The following CCDC42 variants were observed in gnomAD, a reference collection of about 807,000 sequenced individuals.
CCDC42 encodes the protein coiled-coil domain-containing protein 42.
In CCDC42, 38 loss-of-function variants were observed where a neutral mutation model predicts 40.8. The ratio of observed to expected loss-of-function variants is 0.93; its 90% CI spans 0.72 to 1.22. The LOEUF is 1.22. Among genes scored for constraint, CCDC42 ranks in the 50% most tolerant of loss-of-function variants. The pLI is 0.00. For synonymous variants in CCDC42, 135 were observed against 157.5 expected, an observed-to-expected ratio of 0.86 and a Z score of 1.07; for missense variants, 379 against 416.5, an observed-to-expected ratio of 0.91 and a Z score of 0.78.
rs895468821 is a variant in CCDC42 at position 8,735,092 on chromosome 17, C to T, written c.873+4G>A. 6.2e-6 allele frequency: 10 copies of T among 1,614,012 alleles called. No individual in the cohort carries two copies. The highest frequency in any genetic ancestry group is 4.0e-5 in the African/African-American group (3 of 74,932). ...CGGGCCCAGTGCCTGTCCCCTCCTC[C>T]TACCATGTCCAGCTGCTTGTGGGTG... is the stretch of plus-strand genomic sequence containing the variant. On this transcript the variant is annotated splice_donor_region_variant and intron_variant, in intron 6 of 6. Coordinates refer to ENST00000293845, the MANE Select transcript of CCDC42 (RefSeq NM_144681.3). The surrounding 1 kb of genome is among the most constrained non-coding windows in gnomAD (Gnocchi z 4.7).
At chr17:8,744,313 C>T in intron 1 of CCDC42, 129 bp from the exon 2 acceptor site, 1 of 767,598 alleles carries the variant, frequency 1.3e-6, no homozygotes, top group Non-Finnish European at 2.2e-6. Flanking sequence ...AGGGAAAGGG[C>T]TGTTGTGTTG....
At chr17:8,738,070 C>T (rs2086622227) in intron 4 of CCDC42, among the ~76,000 whole-genome samples, 1 of 152,156 alleles carries the variant, frequency 6.6e-6, no homozygotes, top group Admixed American at 6.5e-5. Context: ...AAGTGATCCT[C>T]CCACCTCAGC....
chr17:8,737,882 C>T (rs1383881520), intron 4 of CCDC42, among the ~76,000 whole-genome samples: 1 of 152,228 alleles, frequency 6.6e-6, no homozygotes, highest in Non-Finnish European at 1.5e-5. Context: ...GTGGCATAAA[C>T]ACAGCTCACT....
At chr17:8,738,016 G>GT (rs1422494686) in intron 4 of CCDC42, among the ~76,000 whole-genome samples, 1 of 151,394 alleles carries the variant, frequency 6.6e-6, no homozygotes, top group Non-Finnish European at 1.5e-5. Context: ...GATTTGGGGG[G>GT]GGTCTCACTT....
chr17:8,737,037 G>A (rs57841505), intron 4 of CCDC42, among the ~76,000 whole-genome samples: 1 of 140,966 alleles, frequency 7.1e-6, no homozygotes, highest in African/African-American at 2.6e-5. Flanking sequence ...AAGAGGGAGG[G>A]AGGAAGGAAG....
intron 4 of CCDC42, among the ~76,000 whole-genome samples, chr17:8,737,082 AAAAG>A (rs1053676255): frequency 6.6e-6 from 1 of 152,240 alleles, no homozygotes; most frequent in East Asian, 1.9e-4. Context: ...GAAAGAAAGA[AAAAG>A]AAAAAAAGAA....
In CCDC42 at chr17:8,744,696, C is replaced by A; in HGVS notation, c.-87G>T. ...GCCACAGGTGGCTCAGGGGTGGTGG[C>A]TGCACTCTTGTTTCTCCCTTCGGCC... On this transcript the variant is annotated 5_prime_UTR_variant, in exon 1 of 7. Coordinates refer to ENST00000293845, the MANE Select transcript of CCDC42 (RefSeq NM_144681.3). The A allele has an allele frequency of 1.1e-6, 1 of 903,734 alleles. No homozygotes were observed. Among genetic ancestry groups the A allele is most frequent in the Non-Finnish European group, 1.8e-6 (1 of 551,140 alleles). 56.0% of individuals were successfully genotyped at this position (903,734 alleles called of 1,614,324 possible).
At chr17:8,742,506 C>G (rs1468840412) in intron 3 of CCDC42, among the ~76,000 whole-genome samples, 1 of 152,250 alleles carries the variant, frequency 6.6e-6, no homozygotes, top group Non-Finnish European at 1.5e-5. Context: ...GCAGAGCCCT[C>G]CCCTAAGATT....
In CCDC42 at chr17:8,739,834, T is replaced by C. The variant is rs1281116018; in HGVS notation, c.492+1640A>G. Reference sequence around the variant, plus strand: ...CTGGGATTACAGGCGTGAGCCACCGTACCTGGCCACATCTTGTAATTCATC... The same window carrying C: ...CTGGGATTACAGGCGTGAGCCACCGCACCTGGCCACATCTTGTAATTCATC... On this transcript the variant is annotated intron_variant, in intron 4 of 6. Coordinates refer to ENST00000293845, the MANE Select transcript of CCDC42 (RefSeq NM_144681.3). Among the ~76,000 whole-genome samples the C allele has an allele frequency of 2.0e-5, 3 of 152,192 alleles. No individual in the cohort carries two copies. In the East Asian group the frequency reaches 5.8e-4, roughly 29 times the overall value.
intron 3 of CCDC42, among the ~76,000 whole-genome samples, chr17:8,741,959 G>A (rs527730739): frequency 5.0e-3 from 758 of 152,254 alleles, no homozygotes; most frequent in Non-Finnish European, 7.6e-3. Context: ...GGGGCTGGAG[G>A]GGCAGACAGG....
chr17:8,734,791 A>G (rs566846675), intron 6 of CCDC42, among the ~76,000 whole-genome samples: 14 of 152,278 alleles, frequency 9.2e-5, no homozygotes, highest in Admixed American at 4.6e-4. Context: ...TGCTCTGTAG[A>G]CTGGGGCTAA....
intron 3 of CCDC42, among the ~76,000 whole-genome samples, chr17:8,741,987 G>T (rs549953759): frequency 6.6e-6 from 1 of 152,208 alleles, no homozygotes; most frequent in Admixed American, 6.5e-5. Flanking sequence ...TCTTTCCTGT[G>T]GGACTTGGGC....
intron 4 of CCDC42, among the ~76,000 whole-genome samples, chr17:8,737,022 AAAAGAAGAG>A (rs1568051951): frequency 5.7e-5 from 3 of 52,612 alleles, no homozygotes; most frequent in East Asian, 6.4e-4. Context: ...AGAAAAAAAG[AAAAGAAGAG>A]GGAGGGAGGA....
chr17:8,740,917 G>A (rs1316963740), intron 4 of CCDC42, among the ~76,000 whole-genome samples: 3 of 152,082 alleles, frequency 2.0e-5, no homozygotes, highest in South Asian at 4.1e-4. Context: ...GCTCACCAGC[G>A]AACTGAATGA....
Position 8,744,582 on chromosome 17 carries a change from C to T in CCDC42, c.28G>A (p.Asp10Asn). The change falls in exon 1 of 7, where the codon GAC becomes AAC. Residue 10 changes from aspartate (D) to asparagine (N), a missense_variant. Coordinates refer to ENST00000293845, the MANE Select transcript of CCDC42 (RefSeq NM_144681.3). Reference protein sequence around the residue: MSLGIMEEEDLAEYFRLQYG... With the variant: MSLGIMEEENLAEYFRLQYG... ...TGCAGCCGGAAGTACTCGGCCAGGT[C>T]TTCCTCTTCCATGATGCCCAGACTC... is the stretch of plus-strand genomic sequence containing the variant. The T allele has an allele frequency of 6.2e-7, 1 of 1,612,740 alleles. No homozygotes were observed. Among genetic ancestry groups the T allele is most frequent in the South Asian group, 1.1e-5 (1 of 91,084 alleles).
chr17:8,733,473 GA>G (rs1568050190), intron 6 of CCDC42, among the ~76,000 whole-genome samples: 1 of 152,188 alleles, frequency 6.6e-6, no homozygotes, highest in Non-Finnish European at 1.5e-5. Context: ...CTGTGGGAGT[GA>G]GCTGCTGGAG....
At chr17:8,738,952 A>C (rs1281911823) in intron 4 of CCDC42, among the ~76,000 whole-genome samples, 4 of 152,190 alleles carry the variant, frequency 2.6e-5, no homozygotes, top group Non-Finnish European at 4.4e-5. Context: ...ACTGGATTTC[A>C]ATTATCGGTA....
At chr17:8,734,486 CTTT>C (rs202035464) in intron 6 of CCDC42, among the ~76,000 whole-genome samples, 2 of 140,094 alleles carry the variant, frequency 1.4e-5, no homozygotes, top group Admixed American at 7.1e-5. Context: ...ATGAATTTCA[CTTT>C]TTTTTTTTTT....
chr17:8,744,350 G>A (rs575091116), intron 1 of CCDC42, among the ~76,000 whole-genome samples, 166 bp from the exon 2 acceptor site: 1 of 152,262 alleles, frequency 6.6e-6, no homozygotes, highest in East Asian at 1.9e-4. Context: ...ATGCAGGAGT[G>A]AGCAGGGGGA....
Sources: gnomAD v4.1 joint callset for allele counts (sites outside exome capture counted in the v4.1 genomes callset) on GRCh38, gnomAD v4.1.1 for gene constraint, Gnocchi (gnomAD v3.1) non-coding constraint, MANE v1.5 for transcripts, NCBI Gene and HGNC (gene_info 2026-07-23, HGNC 2026-07-21) for gene names.